PSEN1: variants seen among roughly 807,000 people sequenced by gnomAD.
PSEN1 encodes the protein presenilin-1.
Under a neutral mutation model 53.5 loss-of-function variants are expected in PSEN1, and 15 were observed. The observed-to-expected ratio is 0.28, with a 90% CI of 0.19 to 0.43. The LOEUF (loss-of-function observed/expected upper bound fraction) is 0.43. Among genes scored for constraint, PSEN1 ranks in the 20% least tolerant of loss-of-function variants. The probability of loss-of-function intolerance (pLI) is 1.00; values close to 1 mark genes in which losing one functional copy is unlikely to be tolerated. For missense variants in PSEN1, 387 were observed against 571.2 expected, an observed-to-expected ratio of 0.68 and a Z score of 3.29; for synonymous variants, 208 against 209.8, an observed-to-expected ratio of 0.99 and a Z score of 0.08.
intron 3 of PSEN1, among the ~76,000 whole-genome samples, chr14:73,149,574 A>G (rs1289231129): frequency 6.6e-6 from 1 of 152,154 alleles, no homozygotes; most frequent in East Asian, 1.9e-4. Context: ...TAATTTGAAA[A>G]TTCTTTCCCA....
intron 5 of PSEN1, among the ~76,000 whole-genome samples, chr14:73,183,549 A>G (rs1595016797): frequency 6.6e-6 from 1 of 152,182 alleles, no homozygotes; most frequent in South Asian, 2.1e-4. Flanking sequence ...CACATCTTGC[A>G]CCGCCCTTAA....
At chr14:73,146,299 C>A (rs1013650695) in intron 1 of PSEN1, among the ~76,000 whole-genome samples, 1 of 151,848 alleles carries the variant, frequency 6.6e-6, no homozygotes, top group Non-Finnish European at 1.5e-5. Context: ...GCCATCCCCC[C>A]ACCTCAGCCT....
chr14:73,138,869 A>G (rs1270040868), intron 1 of PSEN1, among the ~76,000 whole-genome samples: 3 of 151,376 alleles, frequency 2.0e-5, no homozygotes, highest in Non-Finnish European at 4.4e-5. Context: ...CGGGAGGCTG[A>G]GGCAGGAGAA....
At chr14:73,189,044 G>A (rs1367198884) in intron 6 of PSEN1, among the ~76,000 whole-genome samples, 2 of 152,052 alleles carry the variant, frequency 1.3e-5, no homozygotes, top group Non-Finnish European at 1.5e-5. Context: ...ACCTGCCTCC[G>A]CCTCCCAAAA....
chr14:73,211,683 C>T (rs979152549), intron 9 of PSEN1, 86 bp from the exon 10 acceptor site: 4 of 1,433,472 alleles, frequency 2.8e-6, no homozygotes, highest in Admixed American at 3.4e-5. Flanking sequence ...GTTACAATGA[C>T]AGCTAGTTAC....
chr14:73,165,524 T>A (rs1283886380), intron 3 of PSEN1, among the ~76,000 whole-genome samples: 1 of 150,918 alleles, frequency 6.6e-6, no homozygotes, highest in African/African-American at 2.4e-5. Context: ...GGTGGGCGGA[T>A]CACCTGAGGT....
intron 1 of PSEN1, chr14:73,137,142 G>A (rs1390984279): frequency 6.6e-6 from 1 of 152,664 alleles, no homozygotes; most frequent in Admixed American, 6.5e-5. Flanking sequence ...TCACCGTTGT[G>A]GTCAGCTCTG....
chr14:73,169,705 G>A (rs977397756), intron 3 of PSEN1, among the ~76,000 whole-genome samples: 1 of 151,648 alleles, frequency 6.6e-6, no homozygotes, highest in Admixed American at 6.6e-5. Flanking sequence ...ACCCATAGTG[G>A]CACGATCTCT....
intron 6 of PSEN1, 145 bp downstream of exon 6, chr14:73,187,065 A>G: frequency 2.8e-6 from 2 of 706,914 alleles, no homozygotes; most frequent in South Asian, 3.2e-5. Context: ...TATATAAAAG[A>G]CTAGTCAGTA....
chr14:73,147,644 T>C, intron 1 of PSEN1, 151 bp from the exon 2 acceptor site: 1 of 325,614 alleles, frequency 3.1e-6, no homozygotes, highest in Non-Finnish European at 6.0e-6. Context: ...AGGTCTACCT[T>C]GAGCTTATAG....
At chr14:73,212,989 C>T (rs1899764079) in intron 10 of PSEN1, among the ~76,000 whole-genome samples, 1 of 152,188 alleles carries the variant, frequency 6.6e-6, no homozygotes, top group South Asian at 2.1e-4. Context: ...ATTATTATGA[C>T]CTTGACATAT....
chr14:73,160,951 T>G (rs541649786), intron 3 of PSEN1, among the ~76,000 whole-genome samples: 1 of 150,658 alleles, frequency 6.6e-6, no homozygotes, highest in Non-Finnish European at 1.5e-5. Context: ...ATTAATCTCT[T>G]ACCAGATATA....
At chr14:73,169,032 A>G (rs1422388596) in intron 3 of PSEN1, 1 of 152,254 alleles carries the variant, frequency 6.6e-6, no homozygotes, top group African/African-American at 2.4e-5. Context: ...TAAACGAGCC[A>G]CGCTCCGAGC....
chr14:73,159,759 C>G (rs747512101), intron 3 of PSEN1, among the ~76,000 whole-genome samples: 8 of 152,156 alleles, frequency 5.3e-5, no homozygotes, highest in Non-Finnish European at 1.0e-4. Flanking sequence ...GAACAACTCC[C>G]CATTTTCCAT....
chr14:73,179,541 C>G (rs535702249), intron 5 of PSEN1, among the ~76,000 whole-genome samples: 1 of 152,078 alleles, frequency 6.6e-6, no homozygotes, highest in Admixed American at 6.6e-5. Context: ...TGCTTGAACC[C>G]GGGAGGCAGA....
At chr14:73,169,252 CTA>C (rs1317685119) in intron 3 of PSEN1, 2 of 152,284 alleles carry the variant, frequency 1.3e-5, no homozygotes, top group African/African-American at 4.8e-5. Flanking sequence ...TCCTTCTCCT[CTA>C]TTCTCTTAAT....
At position 73,147,879 on chromosome 14, in the gene PSEN1, T is replaced by G. The variant is rs975680386; in HGVS notation, c.-54+3T>G. 2 of 725,796 alleles carry G rather than the reference T, an allele frequency of 2.8e-6. No homozygotes were observed. Among genetic ancestry groups the G allele is most frequent in the African/African-American group, 1.8e-5 (1 of 57,092 alleles). The allele number at this position is 725,796 out of a possible 1,614,324, so 45.0% of individuals were successfully genotyped here. ...GGAGGAGAACACATGAAAGAAAGGT[T>G]TGTTTCTGCTTAATGTAATCTATGA... On this transcript the variant is annotated splice_donor_region_variant and intron_variant, in intron 2 of 11. Coordinates refer to ENST00000324501, the MANE Select transcript of PSEN1 (RefSeq NM_000021.4).
chr14:73,148,228 AT>A, intron 3 of PSEN1, 122 bp downstream of exon 3: 1 of 806,074 alleles, frequency 1.2e-6, no homozygotes, highest in Non-Finnish European at 2.1e-6. Context: ...TTTATAATAT[AT>A]TTGGTGAACT....
At chr14:73,152,584 T>C (rs1257544294) in intron 3 of PSEN1, among the ~76,000 whole-genome samples, 1 of 151,554 alleles carries the variant, frequency 6.6e-6, no homozygotes, top group Non-Finnish European at 1.5e-5. Flanking sequence ...CCCAGTGCAG[T>C]GTGACAGAGT....
Sources: gnomAD v4.1 joint callset for allele counts (sites outside exome capture counted in the v4.1 genomes callset) on GRCh38, gnomAD v4.1.1 for gene constraint, MANE v1.5 for transcripts, NCBI Gene and HGNC (gene_info 2026-07-23, HGNC 2026-07-21) for gene names.